The following KATNAL1 variants were observed in gnomAD, a reference collection of about 807,000 sequenced individuals.
KATNAL1 encodes katanin catalytic subunit A1 like 1.
A neutral mutation model predicts 55.2 loss-of-function variants in KATNAL1; 32 were observed. That is an observed-to-expected ratio of 0.58 (90% CI 0.44 to 0.78). KATNAL1 has a LOEUF of 0.78. Among genes scored for constraint, KATNAL1 ranks in the 30% least tolerant of loss-of-function variants. The pLI is 0.00. For synonymous variants in KATNAL1, 193 were observed against 193.6 expected, an observed-to-expected ratio of 1.00 and a Z score of 0.02; for missense variants, 466 against 600.9, an observed-to-expected ratio of 0.78 and a Z score of 2.35.
chr13:30,273,767 ATTTC>A (rs1880552698), intron 3 of KATNAL1, among the ~76,000 whole-genome samples: 1 of 152,326 alleles, frequency 6.6e-6, no homozygotes, highest in Middle Eastern at 3.4e-3. Context: ...TGAACTTAAA[ATTTC>A]TTTGTCATTA....
In KATNAL1 at chr13:30,302,773, C is replaced by T. The variant is rs941940767; in HGVS notation, c.-15+4558G>A. Reference sequence around the variant, plus strand: ...AATGTAACATCCTTTGAGAGAGGGGCCAGATCTTATTCATGTATCATGTAT... The same window carrying T: ...AATGTAACATCCTTTGAGAGAGGGGTCAGATCTTATTCATGTATCATGTAT... On this transcript the variant is annotated intron_variant, in intron 1 of 10. Coordinates refer to ENST00000380615, the MANE Select transcript of KATNAL1 (RefSeq NM_032116.5). Among the ~76,000 whole-genome samples, 13 of 152,204 alleles carry T rather than the reference C, an allele frequency of 8.5e-5. No individual in the cohort carries two copies. The South Asian group carries it at 2.3e-3, about 27-fold the overall frequency.
chr13:30,240,449 T>TCTTGG lies in KATNAL1; in HGVS notation c.726+10_726+11insCCAAG. 6.3e-7 allele frequency: 1 copy of TCTTGG among 1,576,550 alleles called. No individual in the cohort carries two copies. Among genetic ancestry groups the TCTTGG allele is most frequent in the Non-Finnish European group, 8.7e-7 (1 of 1,146,606 alleles). On this transcript the variant is annotated intron_variant, in intron 6 of 10. Transcript: ENST00000380615. ...CATTCTTATATCAAAACCAATTTAATAAATTCTCACCTTCCATGGCCTTCT... is the reference window on the plus strand; with the variant it reads ...CATTCTTATATCAAAACCAATTTAATCTTGGAAATTCTCACCTTCCATGGCCTTCT...
At chr13:30,268,430 A>C (rs2137497053) in intron 3 of KATNAL1, among the ~76,000 whole-genome samples, 1 of 152,362 alleles carries the variant, frequency 6.6e-6, no homozygotes, top group African/African-American at 2.4e-5. Flanking sequence ...AAAGATGCAC[A>C]AGTCTTAAGT....
At chr13:30,227,764 C>CT (rs148803664) in intron 8 of KATNAL1, among the ~76,000 whole-genome samples, 14,875 of 147,942 alleles carry the variant, frequency 0.1, 984 homozygotes, top group African/African-American at 0.19. Flanking sequence ...TTTTTTCTTT[C>CT]TTTTTTTTTT....
At position 30,267,404 on chromosome 13, in the gene KATNAL1, G is replaced by A. The variant is rs1421369984; in HGVS notation, c.324-11789C>T. Among the ~76,000 whole-genome samples, 4 of 152,162 alleles carry A rather than the reference G, an allele frequency of 2.6e-5. No homozygotes were observed. In the East Asian group the frequency reaches 7.7e-4, roughly 29 times the overall value. ...TTATTCTACTGATTTATAAAACCAA[G>A]TGGATACTAAAAGCATGTGACATAC... On this transcript the variant is annotated intron_variant, in intron 3 of 10. Transcript: ENST00000380615.
chr13:30,241,161 T>C, intron 4 of KATNAL1, 75 bp from the exon 5 acceptor site: 3 of 1,242,476 alleles, frequency 2.4e-6, no homozygotes, highest in Non-Finnish European at 3.4e-6. Context: ...TTTGAAAACA[T>C]TATAATGCCA....
Position 30,280,177 on chromosome 13 carries a change from AC to A in KATNAL1, c.208del (p.Val70SerfsTer4). 1 of 1,612,664 alleles carries A rather than the reference AC, an allele frequency of 6.2e-7. No individual in the cohort carries two copies. The highest frequency in any genetic ancestry group is 8.5e-7 in the Non-Finnish European group (1 of 1,179,438). On this transcript the variant is annotated frameshift_variant, in exon 3 of 11. Coordinates refer to ENST00000380615, the MANE Select transcript of KATNAL1 (RefSeq NM_032116.5). LOFTEE classifies it high-confidence loss of function. ...AATTTTAAAACTTTCTAAAGTGCTG[AC>A]AATACTTTTAACTTGTTCATATTCC... ...LEEYEQVKSI[V>X]STLESFKIDK...
At chr13:30,250,865 G>A (rs535360710) in intron 4 of KATNAL1, among the ~76,000 whole-genome samples, 20 of 152,316 alleles carry the variant, frequency 1.3e-4, no homozygotes, top group Middle Eastern at 3.4e-3. Flanking sequence ...TTGGCTGGGC[G>A]CAGTGGTTCA....
intron 1 of KATNAL1, among the ~76,000 whole-genome samples, chr13:30,293,615 A>G (rs548944853): frequency 1.3e-5 from 2 of 152,302 alleles, no homozygotes; most frequent in Non-Finnish European, 2.9e-5. Flanking sequence ...CATAACCACC[A>G]CTACCACCAC....
intron 4 of KATNAL1, among the ~76,000 whole-genome samples, chr13:30,246,866 C>T (rs1877847844): frequency 6.6e-6 from 1 of 152,076 alleles, no homozygotes; most frequent in African/African-American, 2.4e-5. Context: ...ATTAGAATGG[C>T]AATTATTTCT....
chr13:30,255,418 G>A, intron 4 of KATNAL1, 29 bp downstream of exon 4: 1 of 1,441,954 alleles, frequency 6.9e-7, no homozygotes, highest in Non-Finnish European at 9.2e-7. Context: ...GGCTTCAAGT[G>A]AGTGAATTAC....
chr13:30,258,007 A>C (rs1230094852), intron 3 of KATNAL1, among the ~76,000 whole-genome samples: 1 of 152,236 alleles, frequency 6.6e-6, no homozygotes, highest in Non-Finnish European at 1.5e-5. Flanking sequence ...GACAGCTTCC[A>C]GGCTGTGTAA....
intron 4 of KATNAL1, among the ~76,000 whole-genome samples, chr13:30,244,346 G>T (rs1004136530): frequency 3.3e-5 from 5 of 152,084 alleles, no homozygotes; most frequent in African/African-American, 1.2e-4. Context: ...CATTTGGGTT[G>T]GTTCCAAGTC....
At chr13:30,271,387 A>G (rs1482461469) in intron 3 of KATNAL1, among the ~76,000 whole-genome samples, 8 of 152,144 alleles carry the variant, frequency 5.3e-5, no homozygotes, top group Non-Finnish European at 1.0e-4. Flanking sequence ...ACAGTTCAGC[A>G]GGCTGTACAG....
intron 9 of KATNAL1, among the ~76,000 whole-genome samples, chr13:30,222,917 AC>A (rs1875022894): frequency 6.6e-6 from 1 of 151,804 alleles, no homozygotes; most frequent in South Asian, 2.1e-4. Flanking sequence ...ACATGGCGAA[AC>A]CCCGTCTCTA....
chr13:30,219,707 C>T (rs1359863499), intron 9 of KATNAL1, among the ~76,000 whole-genome samples: 1 of 152,164 alleles, frequency 6.6e-6, no homozygotes, highest in Non-Finnish European at 1.5e-5. Flanking sequence ...GGGGAAAAAG[C>T]ATTTCCCAGG....
At chr13:30,214,586 T>C (rs985759442) in intron 9 of KATNAL1, among the ~76,000 whole-genome samples, 4 of 152,254 alleles carry the variant, frequency 2.6e-5, no homozygotes, top group East Asian at 1.9e-4. Context: ...TATAGATCAA[T>C]GGAACAGAAC....
At chr13:30,225,568 A>G (rs1055751464) in intron 9 of KATNAL1, among the ~76,000 whole-genome samples, 2 of 152,114 alleles carry the variant, frequency 1.3e-5, no homozygotes, top group African/African-American at 4.8e-5. Flanking sequence ...AAGGTGCCGA[A>G]GTAATTCAAT....
intron 9 of KATNAL1, among the ~76,000 whole-genome samples, chr13:30,223,399 G>C (rs1875108193): frequency 8.0e-6 from 1 of 124,262 alleles, no homozygotes; most frequent in South Asian, 2.7e-4. Flanking sequence ...CCCAGATCCT[G>C]CCACTGCACT....
Sources: gnomAD v4.1 joint callset for allele counts (sites outside exome capture counted in the v4.1 genomes callset) on GRCh38, gnomAD v4.1.1 for gene constraint, MANE v1.5 for transcripts, NCBI Gene and HGNC (gene_info 2026-07-23, HGNC 2026-07-21) for gene names.